OSBPL11: variants seen among roughly 807,000 people sequenced by gnomAD.
OSBPL11 encodes the protein oxysterol-binding protein-related protein 11.
OSBPL11 carries 33 observed loss-of-function variants against 84.4 expected under a neutral mutation model. The observed-to-expected ratio is 0.39, with a 90% confidence interval of 0.30 to 0.52. The LOEUF is 0.52. Among genes scored for constraint, OSBPL11 ranks in the 20% least tolerant of loss-of-function variants. The probability of loss-of-function intolerance (pLI) is 0.72; values close to 1 mark genes in which losing one functional copy is unlikely to be tolerated. For missense variants in OSBPL11, 736 were observed against 901.1 expected (o/e 0.82, Z 2.35); for synonymous variants, 276 against 310.2 (o/e 0.89, Z 1.16).
intron 8 of OSBPL11, among the ~76,000 whole-genome samples, chr3:125,555,556 A>T (rs1334360023): frequency 6.6e-6 from 1 of 152,200 alleles, no homozygotes; most frequent in Non-Finnish European, 1.5e-5. Flanking sequence ...CAATGTCACA[A>T]TACCAAGACA....
chr3:125,580,514 CAAAAAAAAAAAAAA>C (rs56041212), intron 2 of OSBPL11, among the ~76,000 whole-genome samples: 2 of 64,980 alleles, frequency 3.1e-5, no homozygotes, highest in Admixed American at 1.9e-4. Flanking sequence ...AACTCCGTCT[CAAAAAAAAAAAAAA>C]AAAAAAAAAA....
intron 10 of OSBPL11, among the ~76,000 whole-genome samples, chr3:125,544,329 T>A (rs6774296): frequency 0.14 from 20,604 of 152,260 alleles, 1,423 homozygotes; most frequent in South Asian, 0.18. Context: ...CTGTTGGGAT[T>A]ACAGGCGTGA....
rs563058228 is a variant in OSBPL11, at chr3:125,543,672, G to A, written c.1841+3734C>T. Among the ~76,000 whole-genome samples the A allele has an allele frequency of 7.9e-5, 12 of 152,176 alleles. No individual in the cohort carries two copies. The South Asian group carries it at 1.7e-3, about 21-fold the overall frequency. ...TCCCAGCACTTTGAGAGGCCAAGGT[G>A]GGCAGATCACTTGAGGTCAGGAGTT... is the stretch of plus-strand genomic sequence containing the variant. On this transcript the variant is annotated intron_variant, in intron 10 of 12. Transcript: ENST00000296220.
rs759637727 is a variant in OSBPL11 at position 125,560,545 on chromosome 3, T to C, written c.1015-26A>G. 1.2e-5 allele frequency: 18 copies of C among 1,524,688 alleles called. No homozygotes were observed. The South Asian group carries it at 1.7e-4, about 15-fold the overall frequency. The allele number at this position is 1,524,688 out of a possible 1,614,324, so 94.4% of individuals were successfully genotyped here. On this transcript the variant is annotated intron_variant, in intron 7 of 12. Coordinates refer to ENST00000296220, the MANE Select transcript of OSBPL11 (RefSeq NM_022776.5). The stretch of plus-strand genomic sequence containing the variant: ...CTTGATGGAAAACAAAGCAAAAGTC[T>C]AGTATTTTAACTACCTATTCATATC...
At chr3:125,541,038 C>T (rs868834780) in intron 10 of OSBPL11, among the ~76,000 whole-genome samples, 13 of 152,218 alleles carry the variant, frequency 8.5e-5, no homozygotes, top group African/African-American at 3.1e-4. Context: ...ATTGAAACTA[C>T]TTAACTTTGT....
chr3:125,577,648 C>T (rs1332401789), intron 4 of OSBPL11, among the ~76,000 whole-genome samples: 2 of 151,504 alleles, frequency 1.3e-5, no homozygotes, highest in African/African-American at 2.4e-5. Flanking sequence ...GCCAACATGG[C>T]GAAACCCCGT....
chr3:125,579,753 A>G, intron 3 of OSBPL11, 112 bp downstream of exon 3: 1 of 909,242 alleles, frequency 1.1e-6, no homozygotes, highest in Non-Finnish European at 1.8e-6. Flanking sequence ...TTGTATTTAC[A>G]TCACTGATGA....
chr3:125,582,525 T>C (rs1043858227), intron 2 of OSBPL11, among the ~76,000 whole-genome samples: 3 of 152,212 alleles, frequency 2.0e-5, no homozygotes, highest in Non-Finnish European at 2.9e-5. Flanking sequence ...GGCTGGTTAC[T>C]TAACCTCTTC....
At chr3:125,546,175 GTGT>G (rs1935811000) in intron 10 of OSBPL11, among the ~76,000 whole-genome samples, 1 of 123,000 alleles carries the variant, frequency 8.1e-6, no homozygotes, top group Non-Finnish European at 1.8e-5. Flanking sequence ...TTGTGTGTGT[GTGT>G]TTTTTTTTTT....
In OSBPL11 at chr3:125,594,665, C is replaced by T. The variant is rs141647464; in HGVS notation, c.136G>A (p.Gly46Ser). The change falls in exon 1 of 13, where the codon GGT (glycine) becomes AGT (serine). Residue 46 changes from glycine to serine, a missense_variant. Physicochemically the swap from Gly to Ser is moderately conservative, Grantham distance 56. Transcript: ENST00000296220. ...GGISSSSSSR[G>S]GSAKGWQYSD... The stretch of plus-strand genomic sequence containing the variant: ...TACTGCCAGCCTTTTGCACTGCCAC[C>T]GCGGCTGCTGCTGCTGCTACTGATT... 1 of 1,613,864 alleles carries T rather than the reference C, an allele frequency of 6.2e-7. No individual in the cohort carries two copies. The highest frequency in any genetic ancestry group is 1.3e-5 in the African/African-American group (1 of 75,028).
At chr3:125,581,828 T>C (rs748281503) in intron 2 of OSBPL11, among the ~76,000 whole-genome samples, 30 of 150,490 alleles carry the variant, frequency 2.0e-4, no homozygotes, top group Non-Finnish European at 3.5e-4. Flanking sequence ...ATACAGAAAT[T>C]AGATGGGTGT....
At chr3:125,578,857 G>T in intron 4 of OSBPL11, 103 bp downstream of exon 4, 1 of 607,604 alleles carries the variant, frequency 1.6e-6, no homozygotes, top group Non-Finnish European at 2.7e-6. Flanking sequence ...TTAAAAGGGT[G>T]AATTTTACGG....
intron 5 of OSBPL11, among the ~76,000 whole-genome samples, chr3:125,568,329 G>A (rs1169069140): frequency 6.6e-6 from 1 of 151,922 alleles, no homozygotes; most frequent in Non-Finnish European, 1.5e-5. Context: ...TACTTGGGAG[G>A]CTGAGGCAGA....
intron 1 of OSBPL11, among the ~76,000 whole-genome samples, chr3:125,593,430 G>A (rs188507906): frequency 3.6e-4 from 55 of 152,172 alleles, no homozygotes; most frequent in African/African-American, 1.3e-3. Flanking sequence ...GACCAGCCTG[G>A]CCAACATGGT....
chr3:125,569,943 C>T (rs867843597), intron 5 of OSBPL11, among the ~76,000 whole-genome samples: 3 of 152,074 alleles, frequency 2.0e-5, no homozygotes, highest in Non-Finnish European at 2.9e-5. Context: ...CTAGGGTGCT[C>T]GTAACATTTA....
At chr3:125,542,309 T>C (rs1305540431) in intron 10 of OSBPL11, among the ~76,000 whole-genome samples, 2 of 150,644 alleles carry the variant, frequency 1.3e-5, no homozygotes, top group Non-Finnish European at 2.9e-5. Context: ...AGTTAGGTTA[T>C]GGAAAGCGAT....
chr3:125,547,317 C>A (rs2107592821), intron 10 of OSBPL11, 89 bp downstream of exon 10: 2 of 1,111,864 alleles, frequency 1.8e-6, no homozygotes, highest in Middle Eastern at 2.1e-4. Context: ...TCCAACTTCA[C>A]ATAGAACAGA....
chr3:125,530,183 T>G lies in OSBPL11; in HGVS notation c.*332A>C, dbSNP rs1935535419. ...ATCAAAGTCACTGAGTTCTCATTGT[T>G]GTGTGTATCTGCTGCCCCTGTGCAA... is the stretch of plus-strand genomic sequence containing the variant. On this transcript the variant is annotated 3_prime_UTR_variant, in exon 13 of 13. Coordinates refer to ENST00000296220, the MANE Select transcript of OSBPL11 (RefSeq NM_022776.5). 3.8e-6 allele frequency: 1 copy of G among 261,260 alleles called. No individual in the cohort carries two copies. The highest frequency in any genetic ancestry group is 7.4e-5 in the East Asian group (1 of 13,470). The allele number at this position is 261,260 out of a possible 1,614,324, so 16.2% of individuals were successfully genotyped here. A position where few individuals can be genotyped will look rare whatever the true frequency, so the allele number is the denominator to read the frequency against.
At chr3:125,551,425 C>T (rs993018114) in intron 9 of OSBPL11, among the ~76,000 whole-genome samples, 1 of 151,546 alleles carries the variant, frequency 6.6e-6, no homozygotes, top group Non-Finnish European at 1.5e-5. Flanking sequence ...ATTACAGAAG[C>T]TTTTATTTTC....
Sources: allele counts gnomAD v4.1 joint callset (sites outside exome capture counted in the v4.1 genomes callset), GRCh38; gene constraint gnomAD v4.1.1; transcripts MANE v1.5; gene names NCBI Gene and HGNC (gene_info 2026-07-23, HGNC 2026-07-21).